The following VCPIP1 variants were observed in gnomAD, a reference collection of about 807,000 sequenced individuals.
VCPIP1 encodes deubiquitinating protein VCPIP1.
Under a neutral mutation model 85.0 loss-of-function variants are expected in VCPIP1, and 8 were observed. That is an observed-to-expected ratio of 0.09 (90% confidence interval 0.06 to 0.17). The LOEUF is 0.17. Ranked by LOEUF, VCPIP1 falls within the 10% of genes least tolerant of loss-of-function variation. The probability of loss-of-function intolerance (pLI) is 1.00; values close to 1 mark genes in which losing one functional copy is unlikely to be tolerated. For synonymous variants in VCPIP1, 543 were observed against 544.5 expected (o/e 1.00, Z 0.04); for missense variants, 1,070 against 1,486.3 (o/e 0.72, Z 4.61).
At chr8:66,661,862 C>A (rs1194937457) in intron 1 of VCPIP1, among the ~76,000 whole-genome samples, 1 of 149,418 alleles carries the variant, frequency 6.7e-6, no homozygotes, top group Non-Finnish European at 1.5e-5. Context: ...CTCCCCGGTT[C>A]ACAAGATTCT....
intron 2 of VCPIP1, among the ~76,000 whole-genome samples, chr8:66,647,774 T>G (rs1460378539): frequency 6.6e-6 from 1 of 152,004 alleles, no homozygotes; most frequent in African/African-American, 2.4e-5. Flanking sequence ...ATCCATACAT[T>G]AAAAAATGAA....
At chr8:66,644,817 G>A (rs1810979034) in intron 2 of VCPIP1, among the ~76,000 whole-genome samples, 4 of 151,376 alleles carry the variant, frequency 2.6e-5, no homozygotes, top group Admixed American at 2.0e-4. Context: ...AAAATTTTAG[G>A]CCAGGTGCAG....
chr8:66,631,270 A>G lies in VCPIP1; in HGVS notation c.*3231T>C, dbSNP rs948632003. 4.6e-5 allele frequency: 7 copies of G among 152,370 alleles called. No homozygotes were observed. The highest frequency in any genetic ancestry group is 9.6e-5 in the African/African-American group (4 of 41,464). The allele number at this position is 152,370 out of a possible 1,614,324, so 9.4% of individuals were successfully genotyped here. A position where few individuals can be genotyped will look rare whatever the true frequency, so the allele number is the denominator to read the frequency against. On this transcript the variant is annotated 3_prime_UTR_variant, in exon 3 of 3. Transcript: ENST00000310421. ...GAAATAAACACTTTATGCTGCCACTATATTGACCAGTTGAAGTGTAATTAA... is the reference window on the plus strand; with the variant it reads ...GAAATAAACACTTTATGCTGCCACTGTATTGACCAGTTGAAGTGTAATTAA...
chr8:66,657,999 T>C (rs1437122427), intron 1 of VCPIP1, among the ~76,000 whole-genome samples: 2 of 152,142 alleles, frequency 1.3e-5, no homozygotes, highest in Non-Finnish European at 2.9e-5. Context: ...ACAAGTATGC[T>C]ACATATAAAT....
intron 1 of VCPIP1, among the ~76,000 whole-genome samples, chr8:66,661,357 T>C (rs1404016053): frequency 3.3e-5 from 5 of 152,202 alleles, no homozygotes; most frequent in Admixed American, 1.3e-4. Flanking sequence ...CTCTAGGTTC[T>C]CTCAGATATT....
At position 66,629,032 on chromosome 8, in the gene VCPIP1, CAA is replaced by C. The variant is rs1421325157; in HGVS notation, c.*5467_*5468del. 1 of 152,194 alleles carries C rather than the reference CAA, an allele frequency of 6.6e-6. No homozygotes were observed. Among genetic ancestry groups the C allele is most frequent in the East Asian group, 1.9e-4 (1 of 5,198 alleles). The allele number at this position is 152,194 out of a possible 1,614,324, so 9.4% of individuals were successfully genotyped here. A position where few individuals can be genotyped will look rare whatever the true frequency, so the allele number is the denominator to read the frequency against. On this transcript the variant is annotated 3_prime_UTR_variant, in exon 3 of 3. Coordinates refer to ENST00000310421, the MANE Select transcript of VCPIP1 (RefSeq NM_025054.5). The stretch of plus-strand genomic sequence containing the variant: ...ACAAGTAAAATAAGTTTTAATGTAA[CAA>C]ATTATTTAAATAATGTGTGCCCTGT...
chr8:66,664,672 T>C lies in VCPIP1; in HGVS notation c.2287A>G (p.Thr763Ala). The C allele has an allele frequency of 1.2e-6, 2 of 1,613,468 alleles. No homozygotes were observed. The highest frequency in any genetic ancestry group is 8.5e-7 in the Non-Finnish European group (1 of 1,179,640). Residue 763 changes from threonine to alanine, a missense_variant, in exon 1 of 3, where the codon ACC becomes GCC. By Grantham distance (58) the Thr-to-Ala change is moderately conservative (BLOSUM62 0). Around this residue, in one of 8 missense-constraint regions of VCPIP1, gnomAD observed 278 missense variants for 298.5 expected, o/e 0.93. Transcript: ENST00000310421. ...GTTGTCGGTGAATAGGGAGCCTTGGTAGGTGTAGCAGGTGCAGAGGATGGA... is the reference window on the plus strand; with the variant it reads ...GTTGTCGGTGAATAGGGAGCCTTGGCAGGTGTAGCAGGTGCAGAGGATGGA... ...DGPSSAPATP[T>A]KAPYSPTTSK...
rs184175736 is a variant in VCPIP1 at position 66,667,199 on chromosome 8, C to T, written c.-241G>A. ...GCCACCACCCCACCCCGCACTCACA[C>T]TCACTCACTCTCGCTCTCTCTCCCT... is the stretch of plus-strand genomic sequence containing the variant. On this transcript the variant is annotated 5_prime_UTR_variant, in exon 1 of 3. In the 5' UTR this introduces an upstream ATG that the reference lacks. Coordinates refer to ENST00000310421, the MANE Select transcript of VCPIP1 (RefSeq NM_025054.5). 8.6e-5 allele frequency: 62 copies of T among 722,278 alleles called. No individual in the cohort carries two copies. In the African/African-American group the frequency reaches 9.7e-4, roughly 11 times the overall value. The allele number at this position is 722,278 out of a possible 1,614,324, so 44.7% of individuals were successfully genotyped here. A position where few individuals can be genotyped will look rare whatever the true frequency, so the allele number is the denominator to read the frequency against.
intron 1 of VCPIP1, among the ~76,000 whole-genome samples, chr8:66,663,841 T>G (rs1187530640): frequency 6.6e-6 from 1 of 151,824 alleles, no homozygotes; most frequent in Non-Finnish European, 1.5e-5. Flanking sequence ...AAACTGCAAT[T>G]CATCAAACAG....
In VCPIP1 at chr8:66,666,935, C is replaced by T. The variant is rs1811222869; in HGVS notation, c.24G>A (p.Pro8=). 2 of 1,563,714 alleles carry T rather than the reference C, an allele frequency of 1.3e-6. No individual in the cohort carries two copies. Among genetic ancestry groups the T allele is most frequent in the Non-Finnish European group, 1.7e-6 (2 of 1,159,738 alleles). The change falls in exon 1 of 3, where the codon CCG becomes CCA. Residue 8 remains proline (P), a synonymous_variant. Transcript: ENST00000310421. The surrounding 1 kb of genome is among the most constrained non-coding windows in gnomAD (Gnocchi z 6.3). MSQPPPP[P]PPLPPPPPPP... Reference sequence around the variant, plus strand: ...GAGGAGGTGGCGGCGGCAACGGAGGCGGCGGCGGCGGCGGCTGAGACATAG... The same window carrying T: ...GAGGAGGTGGCGGCGGCAACGGAGGTGGCGGCGGCGGCGGCTGAGACATAG...
chr8:66,640,615 G>A (rs1810937695), intron 2 of VCPIP1, among the ~76,000 whole-genome samples: 1 of 152,284 alleles, frequency 6.6e-6, no homozygotes, highest in South Asian at 2.1e-4. Flanking sequence ...AAAACCCCAG[G>A]CAGACCAGCA....
At chr8:66,663,103 C>CAA (rs34843305) in intron 1 of VCPIP1, among the ~76,000 whole-genome samples, 1 of 127,022 alleles carries the variant, frequency 7.9e-6, no homozygotes, top group Non-Finnish European at 1.7e-5. Flanking sequence ...GACTCCATCT[C>CAA]AAAAAAAAAA....
chr8:66,635,520 T>A, intron 2 of VCPIP1, 148 bp from the exon 3 acceptor site: 1 of 950,732 alleles, frequency 1.1e-6, no homozygotes, highest in Non-Finnish European at 1.5e-6. Context: ...ATTTATTGTA[T>A]TACAAAAAAG....
intron 2 of VCPIP1, among the ~76,000 whole-genome samples, chr8:66,649,099 G>C (rs912008922): frequency 1.3e-5 from 2 of 152,062 alleles, no homozygotes; most frequent in Non-Finnish European, 2.9e-5. Flanking sequence ...GAGGATTGAC[G>C]CTAGAGGCTG....
chr8:66,663,936 C>T (rs1391566434), intron 1 of VCPIP1, among the ~76,000 whole-genome samples: 2 of 151,990 alleles, frequency 1.3e-5, no homozygotes, highest in Non-Finnish European at 2.9e-5. Flanking sequence ...TCAATAGAGC[C>T]TACCAAAAAA....
Position 66,665,129 on chromosome 8 carries a change from G to C in VCPIP1, c.1830C>G (p.Phe610Leu). The C allele has an allele frequency of 6.2e-7, 1 of 1,612,712 alleles. No homozygotes were observed. The highest frequency in any genetic ancestry group is 8.5e-7 in the Non-Finnish European group (1 of 1,179,062). Residue 610 changes from phenylalanine to leucine, a missense_variant, in exon 1 of 3, where the codon TTC (phenylalanine) becomes TTG (leucine). Physicochemically the swap from Phe to Leu is conservative, Grantham distance 22. Around this residue, in one of 8 missense-constraint regions of VCPIP1, gnomAD observed 123 missense variants for 156.3 expected, o/e 0.79. Transcript: ENST00000310421. This position sits in a 1 kb window ranked among gnomAD's most constrained non-coding sequence, Gnocchi z 4.3. ...TCAAAGATGAATCACTTTCATACTG[G>C]AACCAATATACTGTTTCTCTGACCA... ...GRVVRETVYW[F>L]QYESDSSLNS...
At chr8:66,654,944 C>T (rs1229933755) in intron 1 of VCPIP1, among the ~76,000 whole-genome samples, 1 of 152,212 alleles carries the variant, frequency 6.6e-6, no homozygotes, top group Admixed American at 6.5e-5. Flanking sequence ...TGACATCATA[C>T]CATACCCTTA....
chr8:66,652,839 A>C (rs902918863), intron 1 of VCPIP1, among the ~76,000 whole-genome samples: 4 of 152,184 alleles, frequency 2.6e-5, no homozygotes, highest in African/African-American at 9.7e-5. Context: ...TATAGTTTAC[A>C]TTCTAATCTG....
chr8:66,665,187 G>T lies in VCPIP1; in HGVS notation c.1772C>A (p.Ala591Asp). Reference sequence around the variant, plus strand: ...ACCCCATTCTAAAGTAATAGGGAAAGCTTCTGGTAGATTGTCATACTCCTT... The same window carrying T: ...ACCCCATTCTAAAGTAATAGGGAAATCTTCTGGTAGATTGTCATACTCCTT... ...DGKEYDNLPE[A>D]FPITLEWGGR... The change falls in exon 1 of 3, where the codon GCT (alanine) becomes GAT (aspartate). Residue 591 changes from alanine (A) to aspartate (D), a missense_variant. By Grantham distance (126) the Ala-to-Asp change is moderately radical (BLOSUM62 -2). Coordinates refer to ENST00000310421, the MANE Select transcript of VCPIP1 (RefSeq NM_025054.5). This position sits in a 1 kb window ranked among gnomAD's most constrained non-coding sequence, Gnocchi z 4.3. 6.2e-7 allele frequency: 1 copy of T among 1,613,168 alleles called. No individual in the cohort carries two copies. The highest frequency in any genetic ancestry group is 8.5e-7 in the Non-Finnish European group (1 of 1,179,490).
Sources: gnomAD v4.1 joint callset for allele counts (sites outside exome capture counted in the v4.1 genomes callset) on GRCh38, gnomAD v4.1.1 for gene constraint, gnomAD v4.1.1 regional missense constraint, Gnocchi (gnomAD v3.1) non-coding constraint, MANE v1.5 for transcripts, NCBI Gene and HGNC (gene_info 2026-07-23, HGNC 2026-07-21) for gene names.